The following INTS8 variants were observed in gnomAD, a reference collection of about 807,000 sequenced individuals.
INTS8 encodes integrator complex subunit 8, also known as protein kaonashi-1.
Under a neutral mutation model 138.9 loss-of-function variants are expected in INTS8, and 47 were observed. The observed-to-expected ratio is 0.34, with a 90% CI of 0.27 to 0.43. The LOEUF is 0.43. INTS8 is among the 20% of genes least tolerant of loss of function. The pLI, the probability that INTS8 is intolerant of heterozygous loss-of-function variation, is 1.00. For synonymous variants in INTS8, 392 were observed against 400.9 expected, an observed-to-expected ratio of 0.98 and a Z score of 0.27; for missense variants, 996 against 1,173.0, an observed-to-expected ratio of 0.85 and a Z score of 2.20.
intron 5 of INTS8, among the ~76,000 whole-genome samples, 175 bp from the exon 6 acceptor site, chr8:94,831,817 C>G (rs1814727534): frequency 6.6e-6 from 1 of 152,132 alleles, no homozygotes; most frequent in Non-Finnish European, 1.5e-5. Context: ...ACAATAGGAA[C>G]TTATTTCCCT....
chr8:94,870,362 AT>A (rs1330563038), intron 20 of INTS8, among the ~76,000 whole-genome samples: 1 of 152,174 alleles, frequency 6.6e-6, no homozygotes, highest in Non-Finnish European at 1.5e-5. Context: ...GAAATAATAC[AT>A]TTTCTAAGCT....
Position 94,851,706 on chromosome 8 carries a change from C to A in INTS8, c.1641+20C>A, listed in dbSNP as rs1440862018. ...AATAAGGTAAACCCTATGTCAAGAA[C>A]AGATAAGAAAATTGCCCTTGTTTTC... On this transcript the variant is annotated intron_variant, in intron 13 of 26. Coordinates refer to ENST00000523731, the MANE Select transcript of INTS8 (RefSeq NM_017864.4). 2 of 1,554,294 alleles carry A rather than the reference C, an allele frequency of 1.3e-6. No individual in the cohort carries two copies. Among genetic ancestry groups the A allele is most frequent in the East Asian group, 2.4e-5 (1 of 41,066 alleles).
At chr8:94,874,013 C>T (rs911948769) in intron 22 of INTS8, among the ~76,000 whole-genome samples, 1 of 151,862 alleles carries the variant, frequency 6.6e-6, no homozygotes, top group African/African-American at 2.4e-5. Flanking sequence ...ATGATTACTA[C>T]AGTCAAACAA....
chr8:94,853,657 T>C, intron 13 of INTS8, 148 bp from the exon 14 acceptor site: 1 of 526,854 alleles, frequency 1.9e-6, no homozygotes, highest in Non-Finnish European at 3.4e-6. Flanking sequence ...TCGTTAGTGT[T>C]ATATTATGGC....
At chr8:94,849,294 A>G (rs1815446120) in intron 10 of INTS8, among the ~76,000 whole-genome samples, 168 bp from the exon 11 acceptor site, 1 of 152,116 alleles carries the variant, frequency 6.6e-6, no homozygotes, top group South Asian at 2.1e-4. Flanking sequence ...TTTGTGATGG[A>G]TTGTTATTCC....
At chr8:94,824,261 G>A (rs201504859) in intron 1 of INTS8, among the ~76,000 whole-genome samples, 22 of 151,494 alleles carry the variant, frequency 1.5e-4, no homozygotes, top group African/African-American at 5.3e-4. Flanking sequence ...GATATGGCTT[G>A]TTCAGTCTCA....
chr8:94,861,422 C>A (rs1177706878), intron 16 of INTS8, among the ~76,000 whole-genome samples: 1 of 150,440 alleles, frequency 6.6e-6, no homozygotes, highest in African/African-American at 2.4e-5. Context: ...CTGCCATGCC[C>A]GGCTAATTTT....
intron 14 of INTS8, among the ~76,000 whole-genome samples, chr8:94,855,692 T>C (rs973497122): frequency 6.6e-6 from 1 of 152,126 alleles, no homozygotes; most frequent in Non-Finnish European, 1.5e-5. Context: ...GTGTCACAAG[T>C]GTTACAAGGG....
chr8:94,826,933 GTC>G (rs1563638699), intron 2 of INTS8, among the ~76,000 whole-genome samples: 1 of 151,940 alleles, frequency 6.6e-6, no homozygotes, highest in East Asian at 1.9e-4. Context: ...GTGAAACCCC[GTC>G]TCTACTAAAA....
At chr8:94,852,098 A>G (rs565517163) in intron 13 of INTS8, among the ~76,000 whole-genome samples, 2 of 151,976 alleles carry the variant, frequency 1.3e-5, no homozygotes, top group East Asian at 1.9e-4. Flanking sequence ...ACCTGTCACC[A>G]TGCCCGGCTA....
rs144808854 is a variant in INTS8 at position 94,867,306 on chromosome 8, C to T, written c.2383C>T (p.His795Tyr). The change falls in exon 20 of 27, where the codon CAC (histidine) becomes TAC (tyrosine). Residue 795 changes from histidine (H) to tyrosine (Y), a missense_variant. Transcript: ENST00000523731. ...EDIVNDITAE[H>Y]ISIWPSSIPN... ...CATTGTGAATGATATTACAGCTGAA[C>T]ACATTTCTATTTGGCCATCTTCCAT... The T allele has an allele frequency of 1.9e-6, 3 of 1,611,860 alleles. No homozygotes were observed. Among genetic ancestry groups the T allele is most frequent in the Non-Finnish European group, 8.5e-7 (1 of 1,178,838 alleles).
intron 17 of INTS8, 54 bp from the exon 18 acceptor site, chr8:94,866,104 T>C (rs1816167193): frequency 2.6e-6 from 2 of 764,628 alleles, no homozygotes; most frequent in Admixed American, 2.5e-5. Flanking sequence ...ACTTTCTTGA[T>C]TTTATTTTTT....
intron 14 of INTS8, among the ~76,000 whole-genome samples, chr8:94,854,163 A>G (rs776983402): frequency 1.5e-5 from 2 of 132,630 alleles, no homozygotes; most frequent in Non-Finnish European, 3.4e-5. Flanking sequence ...TTGGAGTTGC[A>G]TCATTGCACT....
chr8:94,855,029 A>G (rs1449469038), intron 14 of INTS8, among the ~76,000 whole-genome samples: 1 of 151,662 alleles, frequency 6.6e-6, no homozygotes, highest in Non-Finnish European at 1.5e-5. Context: ...TACAGGCATG[A>G]GCCACTGCAC....
rs756491867 is a variant in INTS8, at chr8:94,871,868, G to T, written c.2415-16G>T. 1.5e-6 allele frequency: 2 copies of T among 1,330,478 alleles called. No homozygotes were observed. Among genetic ancestry groups the T allele is most frequent in the Admixed American group, 1.8e-5 (1 of 55,854 alleles). The allele number at this position is 1,330,478 out of a possible 1,614,324, so 82.4% of individuals were successfully genotyped here. A position where few individuals can be genotyped will look rare whatever the true frequency, so the allele number is the denominator to read the frequency against. On this transcript the variant is annotated splice_polypyrimidine_tract_variant and intron_variant, in intron 20 of 26. Coordinates refer to ENST00000523731, the MANE Select transcript of INTS8 (RefSeq NM_017864.4). Reference sequence around the variant, plus strand: ...CTTTTAAAATAGAGATTAATGTTGTGTGTCTTTCCTTTTAGCCTCCAGTCT... The same window carrying T: ...CTTTTAAAATAGAGATTAATGTTGTTTGTCTTTCCTTTTAGCCTCCAGTCT...
intron 12 of INTS8, among the ~76,000 whole-genome samples, chr8:94,850,865 A>G (rs1158192504): frequency 1.3e-5 from 2 of 152,194 alleles, no homozygotes; most frequent in Non-Finnish European, 2.9e-5. Flanking sequence ...AAATATAAGT[A>G]GAAAATACAA....
rs1022640458 is a variant in INTS8 at position 94,856,852 on chromosome 8, G to A, written c.1828G>A (p.Val610Ile). The A allele has an allele frequency of 2.5e-6, 4 of 1,614,014 alleles. No individual in the cohort carries two copies. In the African/African-American group the frequency reaches 5.3e-5, roughly 22 times the overall value. Residue 610 changes from valine (V) to isoleucine (I), a missense_variant, in exon 15 of 27, where the codon GTC becomes ATC. Val to Ile is a conservative substitution (Grantham distance 29, BLOSUM62 3). Coordinates refer to ENST00000523731, the MANE Select transcript of INTS8 (RefSeq NM_017864.4). ...AGAGTTCTCACCGAAGCTTCGTCAG[G>A]TCATGCTGAATGAGATGTTGCTTTT... Reference protein sequence around the residue: ...VTEFSPKLRQVMLNEMLLLDI... With the variant: ...VTEFSPKLRQIMLNEMLLLDI...
intron 25 of INTS8, 48 bp from the exon 26 acceptor site, chr8:94,876,398 C>T: frequency 7.1e-7 from 1 of 1,402,230 alleles, no homozygotes; most frequent in South Asian, 1.2e-5. Context: ...GAGATTCTCT[C>T]ATTATATTTA....
intron 4 of INTS8, among the ~76,000 whole-genome samples, chr8:94,828,053 T>A (rs1814578364): frequency 6.6e-6 from 1 of 151,862 alleles, no homozygotes; most frequent in Admixed American, 6.6e-5. Flanking sequence ...TTGTTTTTTT[T>A]TTTTGAGATG....
Sources: allele counts gnomAD v4.1 joint callset (sites outside exome capture counted in the v4.1 genomes callset), GRCh38; gene constraint gnomAD v4.1.1; transcripts MANE v1.5; gene names NCBI Gene and HGNC (gene_info 2026-07-23, HGNC 2026-07-21).